ADK: variants seen among roughly 807,000 people sequenced by gnomAD.
The protein encoded by ADK is N6,N6-dimethyladenosine kinase.
ADK carries 24 observed loss-of-function variants against 44.7 expected under a neutral mutation model. That is an observed-to-expected ratio of 0.54 (90% CI 0.39 to 0.76). ADK has a LOEUF of 0.76. Ranked by LOEUF, ADK falls within the 30% of genes least tolerant of loss-of-function variation. The pLI, the probability that ADK is intolerant of heterozygous loss-of-function variation, is 0.00. For missense variants in ADK, 321 were observed against 425.1 expected (o/e 0.76, Z 2.15); for synonymous variants, 128 against 142.6 (o/e 0.90, Z 0.73).
chr10:74,226,439 A>G (rs1425446533), intron 3 of ADK, among the ~76,000 whole-genome samples: 1 of 152,146 alleles, frequency 6.6e-6, no homozygotes, highest in Non-Finnish European at 1.5e-5. Flanking sequence ...AGTTTTAAAC[A>G]TATGTTATGT....
chr10:74,353,200 C>G (rs1842023443), intron 4 of ADK, among the ~76,000 whole-genome samples: 1 of 152,092 alleles, frequency 6.6e-6, no homozygotes, highest in South Asian at 2.1e-4. Flanking sequence ...AAATGTTGCA[C>G]AGAGACACCA....
chr10:74,544,038 C>A (rs994768113), intron 7 of ADK, among the ~76,000 whole-genome samples: 10 of 152,100 alleles, frequency 6.6e-5, no homozygotes, highest in Admixed American at 6.6e-4. Flanking sequence ...CATCAATACT[C>A]ATTTCATATA....
At chr10:74,414,894 A>T (rs1327219096) in intron 6 of ADK, among the ~76,000 whole-genome samples, 2 of 152,102 alleles carry the variant, frequency 1.3e-5, no homozygotes, top group African/African-American at 2.4e-5. Flanking sequence ...TATTCCTGTA[A>T]TTTTTCTTAA....
At chr10:74,484,284 TG>T (rs1847189670) in intron 6 of ADK, among the ~76,000 whole-genome samples, 1 of 152,040 alleles carries the variant, frequency 6.6e-6, no homozygotes, top group African/African-American at 2.4e-5. Flanking sequence ...TGCTACACAC[TG>T]TTTAACATCC....
chr10:74,159,709 C>T (rs1386478936), intron 1 of ADK, among the ~76,000 whole-genome samples: 3 of 152,178 alleles, frequency 2.0e-5, no homozygotes, highest in African/African-American at 7.2e-5. Flanking sequence ...TCTCCTGCCT[C>T]AGCCTCCCGA....
chr10:74,297,374 A>G (rs1839854630), intron 3 of ADK, among the ~76,000 whole-genome samples: 1 of 152,238 alleles, frequency 6.6e-6, no homozygotes, highest in Non-Finnish European at 1.5e-5. Flanking sequence ...AATTTTCTCC[A>G]CATTGCCTAG....
intron 6 of ADK, among the ~76,000 whole-genome samples, chr10:74,404,969 A>T (rs771227605): frequency 1.3e-5 from 2 of 151,874 alleles, no homozygotes; most frequent in Non-Finnish European, 2.9e-5. Flanking sequence ...TGTTTGGAAT[A>T]TTTGCAGCCA....
At chr10:74,551,658 C>A (rs57618932) in intron 7 of ADK, among the ~76,000 whole-genome samples, 1 of 152,130 alleles carries the variant, frequency 6.6e-6, no homozygotes, top group African/African-American at 2.4e-5. Flanking sequence ...TACATAATTT[C>A]TTTCCCTATA....
intron 7 of ADK, among the ~76,000 whole-genome samples, chr10:74,573,407 G>A (rs1287478568): frequency 6.6e-6 from 1 of 152,192 alleles, no homozygotes; most frequent in Admixed American, 6.5e-5. Context: ...GTGTCAGTCT[G>A]CCCCTACTGG....
chr10:74,391,946 A>G (rs1843350744), intron 4 of ADK, among the ~76,000 whole-genome samples: 1 of 152,174 alleles, frequency 6.6e-6, no homozygotes, highest in African/African-American at 2.4e-5. Context: ...ATGGAATCAT[A>G]CAATATGTGT....
In ADK at chr10:74,161,023, G is replaced by C. The variant is rs193214921; in HGVS notation, c.65+9680G>C. Among the ~76,000 whole-genome samples, 8 of 152,118 alleles carry C rather than the reference G, an allele frequency of 5.3e-5. 1 individual carries two copies. Among genetic ancestry groups the C allele is most frequent in the African/African-American group, 7.2e-5 (3 of 41,412 alleles). On this transcript the variant is annotated intron_variant, in intron 1 of 10. Transcript: ENST00000539909. ...TTTTCTACTCACCAAACCTAGAAAT[G>C]GTTTCTCCTTTGACTGTTTGTACTT...
chr10:74,454,617 A>G (rs1295708187), intron 6 of ADK, among the ~76,000 whole-genome samples: 1 of 152,202 alleles, frequency 6.6e-6, no homozygotes, highest in African/African-American at 2.4e-5. Flanking sequence ...CCCTCCTGAT[A>G]TGTACATGAC....
At chr10:74,430,515 G>C (rs932748240) in intron 6 of ADK, among the ~76,000 whole-genome samples, 1 of 152,118 alleles carries the variant, frequency 6.6e-6, no homozygotes, top group African/African-American at 2.4e-5. Flanking sequence ...AGCATTTTAG[G>C]AGGCCGAGAT....
intron 3 of ADK, among the ~76,000 whole-genome samples, chr10:74,259,418 G>A (rs1564621331): frequency 6.6e-6 from 1 of 150,810 alleles, no homozygotes; most frequent in Non-Finnish European, 1.5e-5. Flanking sequence ...GAATTCTTGG[G>A]GATGTGTTAT....
At chr10:74,550,942 A>T (rs756261027) in intron 7 of ADK, among the ~76,000 whole-genome samples, 1 of 152,148 alleles carries the variant, frequency 6.6e-6, no homozygotes, top group Non-Finnish European at 1.5e-5. Flanking sequence ...CGTTCAAGCA[A>T]TCCTCCTGCT....
At chr10:74,291,802 A>G (rs957315099) in intron 3 of ADK, among the ~76,000 whole-genome samples, 11 of 151,248 alleles carry the variant, frequency 7.3e-5, no homozygotes, top group Admixed American at 4.0e-4. Context: ...CTACCTTTGT[A>G]TTATGTGTAT....
intron 4 of ADK, among the ~76,000 whole-genome samples, chr10:74,335,270 T>A (rs77855287): frequency 5.3e-5 from 8 of 152,210 alleles, no homozygotes; most frequent in Admixed American, 6.5e-5. Flanking sequence ...TTATTTATTT[T>A]TTTGGCTTGT....
At chr10:74,277,666 T>C (rs1846752732) in intron 3 of ADK, among the ~76,000 whole-genome samples, 1 of 152,206 alleles carries the variant, frequency 6.6e-6, no homozygotes, top group Admixed American at 6.5e-5. Context: ...CCCAAAGTGC[T>C]GGGATTACAG....
chr10:74,322,202 A>G (rs991820903), intron 4 of ADK, among the ~76,000 whole-genome samples: 5 of 152,222 alleles, frequency 3.3e-5, no homozygotes, highest in Admixed American at 6.5e-5. Context: ...AACAGTCCAG[A>G]TGTAAATTTA....
Sources: gnomAD v4.1 joint callset for allele counts (sites outside exome capture counted in the v4.1 genomes callset) on GRCh38, gnomAD v4.1.1 for gene constraint, MANE v1.5 for transcripts, NCBI Gene and HGNC (gene_info 2026-07-23, HGNC 2026-07-21) for gene names.